Variants in KCNIP4 observed in about 807,000 individuals in gnomAD.
KCNIP4 encodes Kv channel-interacting protein 4.
In KCNIP4, 12 loss-of-function variants were observed where a neutral mutation model predicts 34.0. The ratio of observed to expected loss-of-function variants is 0.35; its 90% CI spans 0.23 to 0.57. The LOEUF (loss-of-function observed/expected upper bound fraction) is 0.57, where lower values mean the gene tolerates loss of function less well. KCNIP4 is among the 20% of genes least tolerant of loss of function. The pLI, the probability that KCNIP4 is intolerant of heterozygous loss-of-function variation, is 0.83. For missense variants in KCNIP4, 238 were observed against 311.7 expected (o/e 0.76, Z 1.78); for synonymous variants, 124 against 102.2 (o/e 1.21, Z -1.29).
In KCNIP4 at chr4:21,869,783, T is replaced by TAGATAGACAGAC. The variant is rs1553940907; in HGVS notation, c.61+78787_61+78788insGTCTGTCTATCT. ...ATAGATAGATAGATAGATAGATAGA[T>TAGATAGACAGAC]AGACAGACAGACAGATAGATAGATA... is the stretch of plus-strand genomic sequence containing the variant. On this transcript the variant is annotated intron_variant, in intron 1 of 8. Transcript: ENST00000382152. Among the ~76,000 whole-genome samples the TAGATAGACAGAC allele has an allele frequency of 9.2e-4, 133 of 143,864 alleles. 1 individual carries two copies. Among genetic ancestry groups the TAGATAGACAGAC allele is most frequent in the African/African-American group, 2.1e-3 (78 of 37,642 alleles). The allele number at this position is 143,864 out of a possible 152,430, so 94.4% of individuals were successfully genotyped here. A position where few individuals can be genotyped will look rare whatever the true frequency, so the allele number is the denominator to read the frequency against.
intron 5 of KCNIP4, among the ~76,000 whole-genome samples, chr4:20,743,690 C>A (rs1185841947): frequency 6.6e-6 from 1 of 151,986 alleles, no homozygotes; most frequent in Non-Finnish European, 1.5e-5. Context: ...TAGGCAATAC[C>A]ATTCAGGACA....
At chr4:21,455,808 C>CATAT (rs1171436191) in intron 1 of KCNIP4, among the ~76,000 whole-genome samples, 36 of 71,894 alleles carry the variant, frequency 5.0e-4, no homozygotes, top group South Asian at 1.7e-3. Flanking sequence ...TACAGATATT[C>CATAT]ATATATATAT....
chr4:21,513,858 G>A (rs1224470482), intron 1 of KCNIP4, among the ~76,000 whole-genome samples: 1 of 152,192 alleles, frequency 6.6e-6, no homozygotes, highest in Non-Finnish European at 1.5e-5. Context: ...AGTCCACTCT[G>A]TTGGGTCTAT....
intron 5 of KCNIP4, 59 bp from the exon 6 acceptor site, chr4:20,734,794 A>AAAC: frequency 1.1e-6 from 1 of 951,224 alleles, no homozygotes; most frequent in South Asian, 1.6e-5. Flanking sequence ...AAAACAAAAA[A>AAAC]AACAAATGAT....
chr4:21,208,350 C>G (rs1157908656), intron 1 of KCNIP4, among the ~76,000 whole-genome samples: 2 of 152,192 alleles, frequency 1.3e-5, no homozygotes, highest in African/African-American at 4.8e-5. Context: ...ACTACTCTTT[C>G]TAAGATACAT....
At chr4:21,653,345 A>G (rs1747665456) in intron 1 of KCNIP4, among the ~76,000 whole-genome samples, 3 of 152,204 alleles carry the variant, frequency 2.0e-5, no homozygotes, top group Admixed American at 6.5e-5. Context: ...TTGGTGCAAC[A>G]GATCCTGTTT....
At chr4:20,843,456 A>G (rs1261706684) in intron 3 of KCNIP4, among the ~76,000 whole-genome samples, 2 of 152,182 alleles carry the variant, frequency 1.3e-5, no homozygotes, top group African/African-American at 4.8e-5. Flanking sequence ...AAGGCCGGGC[A>G]TAGTGGCTCA....
intron 1 of KCNIP4, among the ~76,000 whole-genome samples, chr4:20,886,182 G>A (rs1725291835): frequency 6.6e-6 from 1 of 152,172 alleles, no homozygotes; most frequent in Admixed American, 6.5e-5. Flanking sequence ...AGCTACATGA[G>A]GGAACTCTTT....
intron 1 of KCNIP4, among the ~76,000 whole-genome samples, chr4:21,936,306 G>A (rs1451760961): frequency 1.3e-5 from 2 of 152,084 alleles, no homozygotes; most frequent in Non-Finnish European, 2.9e-5. Context: ...GGTTTTATAA[G>A]GGGCTTCCGC....
At chr4:20,815,455 A>T (rs1206895791) in intron 3 of KCNIP4, among the ~76,000 whole-genome samples, 9 of 152,158 alleles carry the variant, frequency 5.9e-5, no homozygotes, top group Non-Finnish European at 1.5e-5. Context: ...GACATCAGGA[A>T]GGTAAACTCA....
intron 1 of KCNIP4, among the ~76,000 whole-genome samples, chr4:21,617,326 G>C (rs1317389600): frequency 6.6e-6 from 1 of 152,166 alleles, no homozygotes; most frequent in Non-Finnish European, 1.5e-5. Flanking sequence ...TCACAGAGAA[G>C]TGGGTCATTG....
intron 1 of KCNIP4, among the ~76,000 whole-genome samples, chr4:21,874,998 C>T (rs991415783): frequency 1.3e-5 from 2 of 152,262 alleles, no homozygotes; most frequent in East Asian, 3.9e-4. Context: ...CAACAAACAA[C>T]GACAACTAAA....
chr4:21,249,522 T>A (rs1272065098), intron 1 of KCNIP4, among the ~76,000 whole-genome samples: 1 of 152,128 alleles, frequency 6.6e-6, no homozygotes, highest in Non-Finnish European at 1.5e-5. Flanking sequence ...TCAGGCCTTT[T>A]TTTCGTTGAT....
At chr4:21,836,921 T>C (rs1723359739) in intron 1 of KCNIP4, among the ~76,000 whole-genome samples, 1 of 61,310 alleles carries the variant, frequency 1.6e-5, no homozygotes, top group African/African-American at 4.0e-5. Flanking sequence ...TAAATTTTTT[T>C]TTTTTTTTTT....
chr4:21,510,804 G>A (rs28582299), intron 1 of KCNIP4, among the ~76,000 whole-genome samples: 10,938 of 151,886 alleles, frequency 0.072, 1,194 homozygotes, highest in African/African-American at 0.24. Flanking sequence ...ATCACCTGAG[G>A]TCAGGAGTTT....
chr4:21,237,072 C>T (rs188850489), intron 1 of KCNIP4, among the ~76,000 whole-genome samples: 4 of 151,612 alleles, frequency 2.6e-5, no homozygotes, highest in Non-Finnish European at 2.9e-5. Context: ...GCCCTTTGTC[C>T]TTCAAGAGCA....
At chr4:21,058,359 G>A (rs890141363) in intron 1 of KCNIP4, among the ~76,000 whole-genome samples, 3 of 152,104 alleles carry the variant, frequency 2.0e-5, no homozygotes, top group Non-Finnish European at 4.4e-5. Flanking sequence ...CAAGTGATGG[G>A]CGCAAAGGAA....
chr4:21,530,160 G>A (rs1736557653), intron 1 of KCNIP4, among the ~76,000 whole-genome samples: 2 of 152,070 alleles, frequency 1.3e-5, no homozygotes, highest in African/African-American at 4.8e-5. Context: ...ACCTCAATTT[G>A]TATGAAGCAC....
chr4:21,915,747 T>C (rs1278157597), intron 1 of KCNIP4, among the ~76,000 whole-genome samples: 1 of 152,240 alleles, frequency 6.6e-6, no homozygotes, highest in Non-Finnish European at 1.5e-5. Context: ...ACCATCTCTT[T>C]CTACGATTTG....
Sources: allele counts gnomAD v4.1 joint callset (sites outside exome capture counted in the v4.1 genomes callset), GRCh38; gene constraint gnomAD v4.1.1; transcripts MANE v1.5; gene names NCBI Gene and HGNC (gene_info 2026-07-23, HGNC 2026-07-21).